Variants in CSMD1 observed in about 807,000 individuals in gnomAD.
CSMD1 encodes the protein CUB and Sushi multiple domains 1, also known as CUB and sushi domain-containing protein 1.
CSMD1 carries 213 observed loss-of-function variants against 417.5 expected under a neutral mutation model. The ratio of observed to expected loss-of-function variants is 0.51; its 90% CI spans 0.46 to 0.57. The LOEUF (loss-of-function observed/expected upper bound fraction) is 0.57. CSMD1 is among the 20% of genes least tolerant of loss of function. CSMD1 has a pLI of 0.00. For synonymous variants in CSMD1, 2,862 were observed against 1,736.8 expected (o/e 1.65, Z -16.11); for missense variants, 6,923 against 4,529.7 (o/e 1.53, Z -15.17).
At chr8:4,232,474 C>G (rs1482084582) in intron 3 of CSMD1, among the ~76,000 whole-genome samples, 1 of 152,184 alleles carries the variant, frequency 6.6e-6, no homozygotes, top group Non-Finnish European at 1.5e-5. Flanking sequence ...GCTGGGATTA[C>G]AGGCATGAGC....
chr8:4,588,544 C>A (rs1444292280), intron 2 of CSMD1, among the ~76,000 whole-genome samples: 1 of 151,846 alleles, frequency 6.6e-6, no homozygotes, highest in African/African-American at 2.4e-5. Flanking sequence ...CCTGTAATCC[C>A]AGCCCTTTCG....
intron 3 of CSMD1, among the ~76,000 whole-genome samples, chr8:4,087,581 T>G (rs1287575198): frequency 6.6e-6 from 1 of 152,076 alleles, no homozygotes; most frequent in Non-Finnish European, 1.5e-5. Context: ...CTTGATTTCA[T>G]TATCTGTCTA....
chr8:3,962,533 G>A (rs536975769), intron 5 of CSMD1, among the ~76,000 whole-genome samples: 18 of 152,250 alleles, frequency 1.2e-4, no homozygotes, highest in East Asian at 7.7e-4. Flanking sequence ...TAGGCTAATC[G>A]CAGGTAAGCA....
intron 1 of CSMD1, among the ~76,000 whole-genome samples, chr8:4,911,915 T>C (rs1300990219): frequency 6.6e-6 from 1 of 152,118 alleles, no homozygotes; most frequent in Non-Finnish European, 1.5e-5. Context: ...ACAGGTATTT[T>C]GTGGCAACAT....
intron 1 of CSMD1, among the ~76,000 whole-genome samples, chr8:4,758,495 C>A (rs548181890): frequency 1.3e-5 from 2 of 152,254 alleles, no homozygotes; most frequent in South Asian, 2.1e-4. Flanking sequence ...TCCCTTTGGA[C>A]TGTGCTGGTC....
chr8:3,641,265 G>A (rs747573730), intron 7 of CSMD1, among the ~76,000 whole-genome samples: 1 of 151,954 alleles, frequency 6.6e-6, no homozygotes, highest in African/African-American at 2.4e-5. Context: ...GCAAATCCAG[G>A]GGAGTAAGTG....
At chr8:4,129,967 T>C (rs904765534) in intron 3 of CSMD1, among the ~76,000 whole-genome samples, 1 of 152,204 alleles carries the variant, frequency 6.6e-6, no homozygotes, top group African/African-American at 2.4e-5. Flanking sequence ...TTTCAGTTTC[T>C]TCCCAGTTGC....
At chr8:3,137,463 C>G (rs191426059) in intron 41 of CSMD1, among the ~76,000 whole-genome samples, 1 of 152,340 alleles carries the variant, frequency 6.6e-6, no homozygotes, top group African/African-American at 2.4e-5. Flanking sequence ...CACTGCGCTT[C>G]CTGCTGAGCG....
intron 1 of CSMD1, among the ~76,000 whole-genome samples, chr8:4,890,928 C>T (rs1023488658): frequency 1.3e-5 from 2 of 152,002 alleles, no homozygotes; most frequent in South Asian, 2.1e-4. Flanking sequence ...CCTGGGGAAA[C>T]GCAAAGGCAG....
At chr8:4,641,549 G>C (rs138482628) in intron 1 of CSMD1, among the ~76,000 whole-genome samples, 1 of 152,076 alleles carries the variant, frequency 6.6e-6, no homozygotes, top group Non-Finnish European at 1.5e-5. Flanking sequence ...ATTTTTACAA[G>C]GATGGAAGAA....
At chr8:4,258,796 G>A (rs533313427) in intron 3 of CSMD1, among the ~76,000 whole-genome samples, 1 of 152,058 alleles carries the variant, frequency 6.6e-6, no homozygotes, top group Non-Finnish European at 1.5e-5. Context: ...AATATTTAGA[G>A]GCAACTCTAA....
At chr8:4,073,852 A>C (rs1799685667) in intron 3 of CSMD1, among the ~76,000 whole-genome samples, 1 of 152,250 alleles carries the variant, frequency 6.6e-6, no homozygotes, top group African/African-American at 2.4e-5. Context: ...GGTTTAAAAC[A>C]GTTTAAATTC....
intron 6 of CSMD1, among the ~76,000 whole-genome samples, chr8:3,714,228 C>A (rs956101997): frequency 3.3e-5 from 5 of 150,354 alleles, no homozygotes; most frequent in Non-Finnish European, 7.4e-5. Flanking sequence ...TATTAAGCTC[C>A]CAATGTCAGA....
chr8:3,825,466 T>C (rs1226803091), intron 5 of CSMD1, among the ~76,000 whole-genome samples: 1 of 152,026 alleles, frequency 6.6e-6, no homozygotes, highest in Non-Finnish European at 1.5e-5. Context: ...GAAGTGGAAG[T>C]TGCAGTGAGC....
chr8:3,770,299 C>A (rs111314406), intron 5 of CSMD1, among the ~76,000 whole-genome samples: 1 of 151,706 alleles, frequency 6.6e-6, no homozygotes, highest in Non-Finnish European at 1.5e-5. Context: ...AGGCCGAGGG[C>A]GGGGGTGGAT....
intron 10 of CSMD1, among the ~76,000 whole-genome samples, chr8:3,531,217 C>T (rs982234218): frequency 2.6e-5 from 4 of 152,118 alleles, no homozygotes; most frequent in Non-Finnish European, 5.9e-5. Context: ...TTTAAAACAA[C>T]CTAAAATAAC....
At chr8:4,394,205 T>C (rs936421535) in intron 3 of CSMD1, among the ~76,000 whole-genome samples, 14 of 152,210 alleles carry the variant, frequency 9.2e-5, no homozygotes, top group East Asian at 7.7e-4. Context: ...CTGAGACAAG[T>C]GCCTAGGTCT....
chr8:4,157,598 C>T (rs1584927449), intron 3 of CSMD1, among the ~76,000 whole-genome samples: 2 of 152,304 alleles, frequency 1.3e-5, no homozygotes, highest in South Asian at 2.1e-4. Context: ...GGTCATGTAA[C>T]AAATGCAAAT....
At chr8:3,006,023 C>T (rs560254271) in intron 52 of CSMD1, among the ~76,000 whole-genome samples, 1 of 152,166 alleles carries the variant, frequency 6.6e-6, no homozygotes, top group South Asian at 2.1e-4. Context: ...CTAGAAAACC[C>T]CATTGTCTCA....
Sources: gnomAD v4.1 joint callset for allele counts (sites outside exome capture counted in the v4.1 genomes callset) on GRCh38, gnomAD v4.1.1 for gene constraint, MANE v1.5 for transcripts, NCBI Gene and HGNC (gene_info 2026-07-23, HGNC 2026-07-21) for gene names.